The following DEPDC4 variants were observed in gnomAD, a reference collection of about 807,000 sequenced individuals.
DEPDC4 encodes DEP domain-containing protein 4.
In DEPDC4, 52 loss-of-function variants were observed where a neutral mutation model predicts 52.0. The observed-to-expected ratio is 1.00, with a 90% CI of 0.80 to 1.26. The LOEUF (loss-of-function observed/expected upper bound fraction) is 1.26. Ranked by LOEUF, DEPDC4 falls within the 50% of genes most tolerant of loss-of-function variation. The pLI is 0.00. For missense variants in DEPDC4, 530 were observed against 546.9 expected (o/e 0.97, Z 0.31); for synonymous variants, 201 against 196.8 (o/e 1.02, Z -0.18).
chr12:100,276,001 T>C, the DEPDC4 span, among the ~76,000 whole-genome samples: 525 of 152,330 alleles, frequency 3.4e-3, 2 homozygotes, highest in Non-Finnish European at 6.2e-3. Context: ...GAATTAACAT[T>C]GCATTCCTGA....
At chr12:100,252,341 A>T (rs1023969072) in intron 6 of DEPDC4, 40 bp from the exon 7 acceptor site, 8 of 1,500,812 alleles carry the variant, frequency 5.3e-6, no homozygotes, top group Non-Finnish European at 7.0e-6. Flanking sequence ...AATGGTTTTT[A>T]GAGGAAAAAA....
upstream of DEPDC4, among the ~76,000 whole-genome samples, chr12:100,270,148 G>A (rs572095974): frequency 8.5e-5 from 13 of 152,048 alleles, no homozygotes; most frequent in South Asian, 2.7e-3. Context: ...CACCAGGCCT[G>A]GCTAATTTTT....
intron 3 of DEPDC4, among the ~76,000 whole-genome samples, chr12:100,261,476 A>G (rs890127572): frequency 1.3e-5 from 2 of 152,214 alleles, no homozygotes; most frequent in African/African-American, 2.4e-5. Flanking sequence ...AGTAAATAGT[A>G]AAGAGGAGTG....
At chr12:100,253,400 C>T (rs1276272468) in intron 5 of DEPDC4, 89 bp downstream of exon 5, 3 of 461,988 alleles carry the variant, frequency 6.5e-6, no homozygotes, top group East Asian at 7.1e-5. Context: ...ATGTAATACT[C>T]ATATAGTATA....
the DEPDC4 span, among the ~76,000 whole-genome samples, chr12:100,276,459 A>G: frequency 6.6e-6 from 1 of 152,078 alleles, no homozygotes; most frequent in African/African-American, 2.4e-5. Flanking sequence ...CAGCCTCCCA[A>G]GTAGCTGGGA....
chr12:100,259,485 A>T (rs1054270664), intron 3 of DEPDC4, among the ~76,000 whole-genome samples: 9 of 152,264 alleles, frequency 5.9e-5, no homozygotes, highest in African/African-American at 2.2e-4. Flanking sequence ...AAAACGTCGT[A>T]AAGGAAAAGG....
At chr12:100,238,348 C>T (rs1010525911), downstream of DEPDC4, among the ~76,000 whole-genome samples, 6 of 151,806 alleles carry the variant, frequency 4.0e-5, no homozygotes, top group South Asian at 2.1e-4. Context: ...TTAGTAGAGA[C>T]GGGGTTTCAC....
rs532536158 is a variant in DEPDC4 at position 100,248,914 on chromosome 12, G to A, written c.1439C>T (p.Ala480Val). 1.0e-6 allele frequency: 1 copy of A among 985,250 alleles called. No homozygotes were observed. The allele number at this position is 985,250 out of a possible 1,614,324, so 61.0% of individuals were successfully genotyped here. ...GGAATCCATACCTGATATGGCATCTGCATCTTCTCCATGTAGAAGCTTCTT... is the reference window on the plus strand; with the variant it reads ...GGAATCCATACCTGATATGGCATCTACATCTTCTCCATGTAGAAGCTTCTT... ...KLKKLLHGEDADAISGMAENN... is the reference protein window; with the variant it reads ...KLKKLLHGEDVDAISGMAENN... Residue 480 changes from alanine (A) to valine (V), a missense_variant, in exon 8 of 10, where the codon GCA (alanine) becomes GTA (valine). Ala to Val is a moderately conservative substitution (Grantham distance 64). Coordinates refer to ENST00000550587, the MANE Select transcript of DEPDC4 (RefSeq NM_001364818.2).
rs1239892294 is a variant in DEPDC4 at position 100,266,796 on chromosome 12, A to G, written c.157+124T>C. 1.8e-5 allele frequency: 24 copies of G among 1,308,422 alleles called. No homozygotes were observed. In the Admixed American group the frequency reaches 3.7e-4, roughly 20 times the overall value. 81.1% of individuals were successfully genotyped at this position (1,308,422 alleles called of 1,614,324 possible). ...CCAGTCCAGTGCCTGGTAGGGCAGGAAGGGGGCGGGGCTAGGAAATGGGCG... is the reference window on the plus strand; with the variant it reads ...CCAGTCCAGTGCCTGGTAGGGCAGGGAGGGGGCGGGGCTAGGAAATGGGCG... On this transcript the variant is annotated intron_variant, in intron 1 of 9. Transcript: ENST00000550587.
rs1222008885 is a variant in DEPDC4, at chr12:100,248,932, A to G, written c.1421T>C (p.Leu474Pro). Residue 474 changes from leucine (L) to proline (P), a missense_variant, in exon 8 of 10, where the codon CTT (leucine) becomes CCT (proline). Coordinates refer to ENST00000550587, the MANE Select transcript of DEPDC4 (RefSeq NM_001364818.2). ...LDLVSKKLKKLLHGEDADAIS... is the reference protein window; with the variant it reads ...LDLVSKKLKKPLHGEDADAIS... ...GGCATCTGCATCTTCTCCATGTAGA[A>G]GCTTCTTAAGTTTCTTACTAACCAG... is the stretch of plus-strand genomic sequence containing the variant. 8 of 985,610 alleles carry G rather than the reference A, an allele frequency of 8.1e-6. No individual in the cohort carries two copies. 61.1% of individuals were successfully genotyped at this position (985,610 alleles called of 1,614,324 possible). A position where few individuals can be genotyped will look rare whatever the true frequency, so the allele number is the denominator to read the frequency against.
At position 100,244,093 on chromosome 12, in the gene DEPDC4, G is replaced by GTATATATATATA. The variant is rs775573664; in HGVS notation, c.1454-1525_1454-1524insTATATATATATA. Among the ~76,000 whole-genome samples, 586 of 89,266 alleles carry GTATATATATATA rather than the reference G, an allele frequency of 6.6e-3. 82 individuals carry two copies. Among genetic ancestry groups the GTATATATATATA allele is most frequent in the East Asian group, 0.017 (34 of 2,036 alleles). The allele number at this position is 89,266 out of a possible 152,430, so 58.6% of individuals were successfully genotyped here. A position where few individuals can be genotyped will look rare whatever the true frequency, so the allele number is the denominator to read the frequency against. On this transcript the variant is annotated intron_variant, in intron 8 of 9. Coordinates refer to ENST00000550587, the MANE Select transcript of DEPDC4 (RefSeq NM_001364818.2). ...TCCCTCTCTCTCTCTCTCTCTCTCT[G>GTATATATATATA]TGTATATATATATATATATATATAT...
chr12:100,252,356 CAA>C (rs66721214), intron 6 of DEPDC4, 36 bp downstream of exon 6: 17 of 1,501,712 alleles, frequency 1.1e-5, no homozygotes, highest in South Asian at 2.5e-5. Flanking sequence ...AAAAAAATAG[CAA>C]AAAAAAATGG....
intron 8 of DEPDC4, among the ~76,000 whole-genome samples, chr12:100,247,201 G>GTTTTTTTTTT (rs869121983): frequency 1.4e-5 from 1 of 71,646 alleles, no homozygotes; most frequent in Non-Finnish European, 2.5e-5. Context: ...TCCCCTTAGT[G>GTTTTTTTTTT]TTTTTTTTTT....
intron 9 of DEPDC4, among the ~76,000 whole-genome samples, chr12:100,235,014 C>T (rs1220497086): frequency 6.6e-6 from 1 of 151,754 alleles, no homozygotes; most frequent in Admixed American, 6.6e-5. Flanking sequence ...TGTTTACAAA[C>T]GTTTCACTGT....
At chr12:100,268,891 A>T (rs1342535801), upstream of DEPDC4, among the ~76,000 whole-genome samples, 1 of 152,166 alleles carries the variant, frequency 6.6e-6, no homozygotes, top group Non-Finnish European at 1.5e-5. Context: ...TCAGCCTCTC[A>T]TGAAGTCCTG....
chr12:100,267,450 C>T (rs1224205089), upstream of DEPDC4: 1 of 173,476 alleles, frequency 5.8e-6, no homozygotes, highest in East Asian at 1.7e-4. Context: ...GGCTCTCTCG[C>T]CTGGGCTCCC....
rs142245759 is a variant in DEPDC4 at position 100,242,919 on chromosome 12, C to T, written c.1454-350G>A. Among the ~76,000 whole-genome samples the T allele has an allele frequency of 6.2e-3, 939 of 152,288 alleles. 9 individuals carry two copies. Among genetic ancestry groups the T allele is most frequent in the African/African-American group, 0.021 (882 of 41,554 alleles). On this transcript the variant is annotated intron_variant, in intron 8 of 9. Coordinates refer to ENST00000550587, the MANE Select transcript of DEPDC4 (RefSeq NM_001364818.2). ...ATGCTCTAATCTACTGTGTCCACTC[C>T]AACATTCAAGGAAATACAGTAATTC...
At chr12:100,261,879 A>G in intron 3 of DEPDC4, 2 of 440,078 alleles carry the variant, frequency 4.5e-6, no homozygotes, top group South Asian at 3.2e-5. Context: ...AAGGTTAGAG[A>G]GAAGGGAGGA....
chr12:100,277,645 T>C, the DEPDC4 span, among the ~76,000 whole-genome samples: 6 of 152,222 alleles, frequency 3.9e-5, no homozygotes, highest in African/African-American at 1.4e-4. Context: ...CTTGCTTTTT[T>C]ATCCAATTTG....
Sources: allele counts gnomAD v4.1 joint callset (sites outside exome capture counted in the v4.1 genomes callset), GRCh38; gene constraint gnomAD v4.1.1; transcripts MANE v1.5; gene names NCBI Gene and HGNC (gene_info 2026-07-23, HGNC 2026-07-21).